The following GLCCI1 variants were observed in gnomAD, a reference collection of about 807,000 sequenced individuals.
GLCCI1 encodes the protein glucocorticoid-induced transcript 1 protein.
Under a neutral mutation model 52.2 loss-of-function variants are expected in GLCCI1, and 24 were observed. That is an observed-to-expected ratio of 0.46 (90% CI 0.33 to 0.65). GLCCI1 has a LOEUF of 0.65. Among genes scored for constraint, GLCCI1 ranks in the 30% least tolerant of loss-of-function variants. GLCCI1 has a pLI of 0.02. For missense variants in GLCCI1, 704 were observed against 701.5 expected, an observed-to-expected ratio of 1.00 and a Z score of -0.04; for synonymous variants, 310 against 276.5, an observed-to-expected ratio of 1.12 and a Z score of -1.20.
intron 2 of GLCCI1, among the ~76,000 whole-genome samples, chr7:8,012,357 A>G (rs201804822): frequency 1.4e-5 from 2 of 147,662 alleles, no homozygotes; most frequent in East Asian, 4.0e-4. Context: ...TTCTTTATAT[A>G]TACTGGATAT....
At chr7:8,007,491 C>T (rs2115429881) in intron 2 of GLCCI1, among the ~76,000 whole-genome samples, 1 of 152,210 alleles carries the variant, frequency 6.6e-6, no homozygotes, top group East Asian at 1.9e-4. Flanking sequence ...CTACTTCTTG[C>T]CTCACAAGCA....
Position 7,969,298 on chromosome 7 carries a change from C to A in GLCCI1, c.-53C>A, listed in dbSNP as rs1371891598. The A allele has an allele frequency of 1.5e-6, 2 of 1,360,038 alleles. No homozygotes were observed. The highest frequency in any genetic ancestry group is 1.4e-5 in the South Asian group (1 of 71,782). The allele number at this position is 1,360,038 out of a possible 1,614,324, so 84.2% of individuals were successfully genotyped here. A position where few individuals can be genotyped will look rare whatever the true frequency, so the allele number is the denominator to read the frequency against. On this transcript the variant is annotated 5_prime_UTR_variant, in exon 1 of 8. Coordinates refer to ENST00000223145, the MANE Select transcript of GLCCI1 (RefSeq NM_138426.4). The surrounding 1 kb of genome is among the most constrained non-coding windows in gnomAD (Gnocchi z 4.9). ...CCGGCTCCCACACGCTCGCGCGCCT[C>A]CCGCCCCGCGCCTCCGTGTCGGCCG...
At chr7:8,064,265 G>C (rs1192982715) in intron 5 of GLCCI1, among the ~76,000 whole-genome samples, 1 of 152,136 alleles carries the variant, frequency 6.6e-6, no homozygotes, top group East Asian at 1.9e-4. Context: ...GATCCATCTT[G>C]AATTTATTTT....
intron 1 of GLCCI1, among the ~76,000 whole-genome samples, chr7:7,986,653 G>A (rs1780739316): frequency 6.6e-6 from 1 of 152,190 alleles, no homozygotes; most frequent in Admixed American, 6.5e-5. Context: ...AGATTCATAT[G>A]TAATATATGA....
intron 5 of GLCCI1, among the ~76,000 whole-genome samples, chr7:8,065,035 A>C (rs1289664905): frequency 6.6e-6 from 1 of 152,026 alleles, no homozygotes; most frequent in Non-Finnish European, 1.5e-5. Context: ...CATTTTAACA[A>C]TATTTATACT....
intron 5 of GLCCI1, among the ~76,000 whole-genome samples, chr7:8,061,783 C>A (rs1335134369): frequency 6.6e-6 from 1 of 150,754 alleles, no homozygotes; most frequent in African/African-American, 2.4e-5. Flanking sequence ...TCTCCCGCCT[C>A]AGCCTCCTGA....
At chr7:7,973,884 A>C (rs111704585) in intron 1 of GLCCI1, among the ~76,000 whole-genome samples, 78 of 152,130 alleles carry the variant, frequency 5.1e-4, no homozygotes, top group African/African-American at 1.8e-3. Flanking sequence ...TACTGTGCTC[A>C]ATGGAATACA....
At position 8,037,591 on chromosome 7, in the gene GLCCI1, A is replaced by T. The variant is rs550157877; in HGVS notation, c.696+15022A>T. 2.6e-5 allele frequency among the ~76,000 whole-genome samples: 4 copies of T among 152,312 alleles called. No homozygotes were observed. In the South Asian group the frequency reaches 6.2e-4, roughly 24 times the overall value. ...ATGGGTTAAATGCTCCACTTAAAAGATACAGCTTGGCAGAATTGATTAAAA... is the reference window on the plus strand; with the variant it reads ...ATGGGTTAAATGCTCCACTTAAAAGTTACAGCTTGGCAGAATTGATTAAAA... On this transcript the variant is annotated intron_variant, in intron 3 of 7. Coordinates refer to ENST00000223145, the MANE Select transcript of GLCCI1 (RefSeq NM_138426.4).
At chr7:7,993,321 C>A (rs2115418061) in intron 1 of GLCCI1, among the ~76,000 whole-genome samples, 1 of 152,312 alleles carries the variant, frequency 6.6e-6, no homozygotes, top group South Asian at 2.1e-4. Flanking sequence ...CTCTTCCTGA[C>A]TCCGTTGTCC....
chr7:8,009,761 T>A (rs1781226686), intron 2 of GLCCI1, among the ~76,000 whole-genome samples: 1 of 152,200 alleles, frequency 6.6e-6, no homozygotes, highest in South Asian at 2.1e-4. Flanking sequence ...GTTACTATCC[T>A]ATAATCTAGT....
intron 1 of GLCCI1, chr7:7,980,686 A>G (rs186340540): frequency 7.9e-6 from 6 of 757,004 alleles, no homozygotes; most frequent in Non-Finnish European, 1.4e-5. Flanking sequence ...GTCCATGGTG[A>G]ATAATGACAG....
At chr7:8,039,515 T>A (rs73242187) in intron 3 of GLCCI1, among the ~76,000 whole-genome samples, 5,105 of 152,274 alleles carry the variant, frequency 0.034, 267 homozygotes, top group African/African-American at 0.11. Flanking sequence ...GAGGGCATTA[T>A]CTTAAATGAA....
chr7:7,988,293 G>GTTTTC (rs1780776470), intron 1 of GLCCI1, among the ~76,000 whole-genome samples: 1 of 152,032 alleles, frequency 6.6e-6, no homozygotes, highest in South Asian at 2.1e-4. Context: ...GTTTTGTTTT[G>GTTTTC]TTTTGTTTTG....
chr7:7,982,995 T>C (rs1413488764), intron 1 of GLCCI1, among the ~76,000 whole-genome samples: 1 of 152,198 alleles, frequency 6.6e-6, no homozygotes, highest in Admixed American at 6.5e-5. Context: ...TATTCAGTTA[T>C]GTTAGCTAGT....
intron 3 of GLCCI1, among the ~76,000 whole-genome samples, chr7:8,040,015 A>T (rs990226701): frequency 6.7e-6 from 1 of 148,316 alleles, no homozygotes; most frequent in Non-Finnish European, 1.5e-5. Context: ...AAAAAAAAAG[A>T]AGAAGCCCAG....
intron 1 of GLCCI1, among the ~76,000 whole-genome samples, chr7:7,975,315 A>C (rs768778667): frequency 1.3e-5 from 2 of 152,234 alleles, no homozygotes; most frequent in Non-Finnish European, 2.9e-5. Context: ...GTTTATTCCA[A>C]GTGAATGTTA....
chr7:7,998,949 T>G (rs985532193), intron 1 of GLCCI1, among the ~76,000 whole-genome samples: 4 of 152,058 alleles, frequency 2.6e-5, no homozygotes, highest in African/African-American at 9.6e-5. Flanking sequence ...ATTTTTATTT[T>G]TTATTTTCTA....
Position 8,086,629 on chromosome 7 carries a change from C to T in GLCCI1, c.*91C>T. The T allele has an allele frequency of 2.1e-6, 2 of 944,154 alleles. No individual in the cohort carries two copies. The highest frequency in any genetic ancestry group is 2.4e-5 in the East Asian group (1 of 41,428). 58.5% of individuals were successfully genotyped at this position (944,154 alleles called of 1,614,324 possible). A position where few individuals can be genotyped will look rare whatever the true frequency, so the allele number is the denominator to read the frequency against. ...GAGTGACAAACTTTCTGAACACCAC[C>T]ACCACCAATAATACTTATCAGCATC... is the stretch of plus-strand genomic sequence containing the variant. On this transcript the variant is annotated 3_prime_UTR_variant, in exon 8 of 8. Coordinates refer to ENST00000223145, the MANE Select transcript of GLCCI1 (RefSeq NM_138426.4). This position sits in a 1 kb window ranked among gnomAD's most constrained non-coding sequence, Gnocchi z 4.4.
At chr7:8,001,629 T>C (rs200368135) in intron 1 of GLCCI1, among the ~76,000 whole-genome samples, 1 of 152,234 alleles carries the variant, frequency 6.6e-6, no homozygotes, top group Non-Finnish European at 1.5e-5. Context: ...TTATAAATCA[T>C]GCTACTATAA....
Sources: allele counts gnomAD v4.1 joint callset (sites outside exome capture counted in the v4.1 genomes callset), GRCh38; gene constraint gnomAD v4.1.1; non-coding constraint Gnocchi (gnomAD v3.1); transcripts MANE v1.5; gene names NCBI Gene and HGNC (gene_info 2026-07-23, HGNC 2026-07-21).